Variants in CDKAL1 observed in about 807,000 individuals in gnomAD.
CDKAL1 encodes the protein threonylcarbamoyladenosine tRNA methylthiotransferase.
A neutral mutation model predicts 68.2 loss-of-function variants in CDKAL1; 32 were observed. That is an observed-to-expected ratio of 0.47 (90% confidence interval 0.35 to 0.63). The LOEUF (loss-of-function observed/expected upper bound fraction) is 0.63. CDKAL1 is among the 30% of genes least tolerant of loss of function. The pLI is 0.00. For synonymous variants in CDKAL1, 234 were observed against 244.3 expected (o/e 0.96, Z 0.39); for missense variants, 606 against 696.7 (o/e 0.87, Z 1.47).
intron 5 of CDKAL1, among the ~76,000 whole-genome samples, chr6:20,720,078 C>G (rs1237181639): frequency 1.3e-5 from 2 of 152,112 alleles, no homozygotes; most frequent in African/African-American, 4.8e-5. Context: ...GTGACAAGAT[C>G]ATGGTTCTCT....
At chr6:20,832,084 G>A (rs981676430) in intron 8 of CDKAL1, among the ~76,000 whole-genome samples, 3 of 152,106 alleles carry the variant, frequency 2.0e-5, no homozygotes, top group African/African-American at 7.2e-5. Flanking sequence ...AGTTGTCTCC[G>A]CTGCTTTAAG....
intron 5 of CDKAL1, among the ~76,000 whole-genome samples, chr6:20,666,483 C>T (rs568760414): frequency 1.3e-5 from 2 of 151,960 alleles, no homozygotes; most frequent in Non-Finnish European, 2.9e-5. Context: ...TACCTGTTTG[C>T]TAGGATAGGA....
intron 13 of CDKAL1, among the ~76,000 whole-genome samples, chr6:21,123,325 T>C (rs187308906): frequency 2.2e-4 from 34 of 152,150 alleles, no homozygotes; most frequent in African/African-American, 7.7e-4. Flanking sequence ...TGTGGTGGTG[T>C]GTGCCTGTAG....
chr6:20,778,981 A>G (rs1775298506), intron 7 of CDKAL1, among the ~76,000 whole-genome samples: 2 of 152,204 alleles, frequency 1.3e-5, no homozygotes, highest in Non-Finnish European at 2.9e-5. Context: ...ATATAAAATT[A>G]ATCGTCATAA....
intron 4 of CDKAL1, among the ~76,000 whole-genome samples, chr6:20,601,764 G>A (rs1187444746): frequency 6.6e-6 from 1 of 152,096 alleles, no homozygotes; most frequent in Non-Finnish European, 1.5e-5. Flanking sequence ...TAAAATAACC[G>A]AGGCCCGCAG....
chr6:20,618,602 G>A (rs1249657691), intron 4 of CDKAL1, among the ~76,000 whole-genome samples: 1 of 152,132 alleles, frequency 6.6e-6, no homozygotes, highest in Non-Finnish European at 1.5e-5. Flanking sequence ...TTGAGAATAA[G>A]CGTGTCCAGG....
intron 7 of CDKAL1, among the ~76,000 whole-genome samples, chr6:20,769,176 C>T (rs1469217098): frequency 6.6e-6 from 1 of 151,544 alleles, no homozygotes; most frequent in Non-Finnish European, 1.5e-5. Flanking sequence ...CATCACAATG[C>T]AAATGAGTGA....
At chr6:20,798,590 A>G (rs1246854176) in intron 8 of CDKAL1, among the ~76,000 whole-genome samples, 1 of 152,180 alleles carries the variant, frequency 6.6e-6, no homozygotes, top group Non-Finnish European at 1.5e-5. Flanking sequence ...GCCATAAAAA[A>G]TGATGAGTTC....
At chr6:21,217,529 A>G (rs1423767861) in intron 15 of CDKAL1, among the ~76,000 whole-genome samples, 3 of 150,366 alleles carry the variant, frequency 2.0e-5, no homozygotes, top group African/African-American at 7.3e-5. Context: ...ATGGAGTATC[A>G]CTCTGTCCCC....
At chr6:20,904,271 C>G (rs560636978) in intron 9 of CDKAL1, among the ~76,000 whole-genome samples, 11 of 152,258 alleles carry the variant, frequency 7.2e-5, no homozygotes, top group African/African-American at 2.6e-4. Context: ...CATGGTGGCT[C>G]ATACCTATAA....
At chr6:20,556,365 C>CA (rs899361045) in intron 4 of CDKAL1, among the ~76,000 whole-genome samples, 120 of 142,460 alleles carry the variant, frequency 8.4e-4, no homozygotes, top group African/African-American at 2.0e-3. Context: ...AACTCCGCCT[C>CA]AAAAAAAAAA....
At chr6:20,910,147 T>G (rs1225081745) in intron 9 of CDKAL1, among the ~76,000 whole-genome samples, 4 of 152,234 alleles carry the variant, frequency 2.6e-5, no homozygotes, top group African/African-American at 9.6e-5. Flanking sequence ...GCTTCCCAGA[T>G]GTCTTTGAAA....
intron 5 of CDKAL1, among the ~76,000 whole-genome samples, chr6:20,697,076 CATT>C: frequency 6.6e-6 from 1 of 152,110 alleles, no homozygotes; most frequent in Admixed American, 6.5e-5. Flanking sequence ...TGAAAAAAAT[CATT>C]AGAGAGATGC....
At chr6:21,002,957 C>G (rs1175950452) in intron 11 of CDKAL1, among the ~76,000 whole-genome samples, 1 of 151,876 alleles carries the variant, frequency 6.6e-6, no homozygotes, top group Non-Finnish European at 1.5e-5. Context: ...CCACTGCACT[C>G]CAGCCTGGGT....
intron 10 of CDKAL1, among the ~76,000 whole-genome samples, chr6:20,972,432 A>G (rs998859980): frequency 1.3e-5 from 2 of 152,070 alleles, no homozygotes; most frequent in African/African-American, 2.4e-5. Context: ...TCTTTTAGAC[A>G]CTCAGTTTTA....
chr6:20,865,619 C>T (rs983347896), intron 9 of CDKAL1, among the ~76,000 whole-genome samples: 2 of 77,562 alleles, frequency 2.6e-5, no homozygotes, highest in African/African-American at 8.1e-5. Flanking sequence ...AAAACTAACT[C>T]TGCTGAAATT....
At chr6:20,991,706 C>CAAAAA (rs35504365) in intron 10 of CDKAL1, among the ~76,000 whole-genome samples, 10 of 59,608 alleles carry the variant, frequency 1.7e-4, no homozygotes, top group Admixed American at 2.4e-4. Context: ...TATTCCCTCT[C>CAAAAA]AAAAAAAAAA....
At chr6:20,938,795 A>G (rs1047959566) in intron 9 of CDKAL1, among the ~76,000 whole-genome samples, 6 of 151,938 alleles carry the variant, frequency 3.9e-5, no homozygotes, top group African/African-American at 1.5e-4. Flanking sequence ...ATATATAGGT[A>G]TTTTCTGATT....
chr6:20,872,910 A>C (rs1760298097), intron 9 of CDKAL1, among the ~76,000 whole-genome samples: 1 of 152,224 alleles, frequency 6.6e-6, no homozygotes, highest in African/African-American at 2.4e-5. Flanking sequence ...GCAGTCACAA[A>C]TGACCAAGGA....
Sources: allele counts gnomAD v4.1 joint callset (sites outside exome capture counted in the v4.1 genomes callset), GRCh38; gene constraint gnomAD v4.1.1; transcripts MANE v1.5; gene names NCBI Gene and HGNC (gene_info 2026-07-23, HGNC 2026-07-21).